Variants in ZNF536 observed in about 807,000 individuals in gnomAD.
The protein encoded by ZNF536 is zinc finger protein 536.
A neutral mutation model predicts 84.5 loss-of-function variants in ZNF536; 13 were observed. That is an observed-to-expected ratio of 0.15 (90% confidence interval 0.10 to 0.24). ZNF536 has a LOEUF of 0.24. Among genes scored for constraint, ZNF536 ranks in the 10% least tolerant of loss-of-function variants. The probability of loss-of-function intolerance (pLI) is 1.00; values close to 1 mark genes in which losing one functional copy is unlikely to be tolerated. For synonymous variants in ZNF536, 811 were observed against 742.5 expected, an observed-to-expected ratio of 1.09 and a Z score of -1.50; for missense variants, 1,536 against 1,747.5, an observed-to-expected ratio of 0.88 and a Z score of 2.16.
chr19:30,590,253 A>G (rs529860284), intron 1 of ZNF536, among the ~76,000 whole-genome samples: 1 of 152,240 alleles, frequency 6.6e-6, no homozygotes, highest in East Asian at 1.9e-4. Context: ...TTGGACATGG[A>G]ATTGAAGAAT....
chr19:30,363,233 C>A (rs572273380), intron 3 of ZNF536, among the ~76,000 whole-genome samples: 1 of 152,132 alleles, frequency 6.6e-6, no homozygotes, highest in Admixed American at 6.5e-5. Flanking sequence ...CTGCCCAGAG[C>A]GCTGCAATCC....
chr19:30,617,332 A>ATTT (rs1491527791), intron 1 of ZNF536, among the ~76,000 whole-genome samples: 2 of 18,294 alleles, frequency 1.1e-4, no homozygotes, highest in Non-Finnish European at 1.6e-4. Context: ...TGAATAGCTT[A>ATTT]CTTTTTTTTT....
intron 2 of ZNF536, among the ~76,000 whole-genome samples, chr19:30,472,010 C>A (rs1386793418): frequency 1.3e-5 from 2 of 152,150 alleles, no homozygotes; most frequent in Non-Finnish European, 2.9e-5. Flanking sequence ...GGACACCTGG[C>A]CTTGACCGCC....
At chr19:30,476,428 C>T (rs763596343) in intron 2 of ZNF536, among the ~76,000 whole-genome samples, 4 of 152,156 alleles carry the variant, frequency 2.6e-5, no homozygotes, top group South Asian at 2.1e-4. Flanking sequence ...CTGTTAATGG[C>T]GCACATGGAT....
intron 1 of ZNF536, among the ~76,000 whole-genome samples, chr19:30,618,956 A>AT (rs2048391393): frequency 6.6e-6 from 1 of 152,022 alleles, no homozygotes; most frequent in Non-Finnish European, 1.5e-5. Context: ...TTTTGTATAA[A>AT]TTCTTTTTGT....
intron 1 of ZNF536, among the ~76,000 whole-genome samples, chr19:30,658,006 A>G (rs1365626310): frequency 8.1e-6 from 1 of 123,640 alleles, no homozygotes. Context: ...ATACCCTTCA[A>G]TGGCTTTCCA....
intron 1 of ZNF536, among the ~76,000 whole-genome samples, chr19:30,274,864 G>A (rs941004910): frequency 2.6e-5 from 4 of 152,190 alleles, no homozygotes; most frequent in African/African-American, 9.7e-5. Flanking sequence ...TCTTCAAGAT[G>A]CATTACTTCA....
intron 1 of ZNF536, among the ~76,000 whole-genome samples, chr19:30,564,534 C>T (rs893909777): frequency 2.6e-5 from 4 of 152,042 alleles, no homozygotes; most frequent in Non-Finnish European, 5.9e-5. Flanking sequence ...TGCTGGTGGT[C>T]CTGGTGGTCA....
intron 2 of ZNF536, among the ~76,000 whole-genome samples, chr19:30,508,514 T>C (rs949614295): frequency 6.6e-6 from 1 of 152,116 alleles, no homozygotes; most frequent in Non-Finnish European, 1.5e-5. Flanking sequence ...GAGGCAGGTT[T>C]GATTTAATGA....
At position 30,447,388 on chromosome 19, in the gene ZNF536, G is replaced by A. The variant is rs149855355; in HGVS notation, c.2170+1656G>A. ...TGCCGGCTTATTACAAACCAGTAAA[G>A]AATTGTTAAGACACATAAATCTGGT... On this transcript the variant is annotated intron_variant, in intron 2 of 4. Coordinates refer to ENST00000355537, the MANE Select transcript of ZNF536 (RefSeq NM_014717.3). Among the ~76,000 whole-genome samples the A allele has an allele frequency of 3.0e-3, 461 of 152,318 alleles. 4 individuals are homozygous for A. Among genetic ancestry groups the A allele is most frequent in the African/African-American group, 0.011 (439 of 41,572 alleles).
chr19:30,660,136 G>A (rs181156815), intron 1 of ZNF536, among the ~76,000 whole-genome samples: 1 of 152,198 alleles, frequency 6.6e-6, no homozygotes, highest in South Asian at 2.1e-4. Flanking sequence ...AGAAACAATT[G>A]TTGTTTTCTT....
intron 2 of ZNF536, among the ~76,000 whole-genome samples, chr19:30,463,589 G>A (rs1219940219): frequency 2.0e-5 from 3 of 152,182 alleles, no homozygotes; most frequent in Admixed American, 6.5e-5. Context: ...CCTGCACGGG[G>A]CATAGAGCAC....
intron 1 of ZNF536, among the ~76,000 whole-genome samples, chr19:30,425,992 T>A (rs2051196784): frequency 6.6e-6 from 1 of 151,778 alleles, no homozygotes. Context: ...GAGCATGGAG[T>A]GACATTTTCA....
intron 1 of ZNF536, among the ~76,000 whole-genome samples, chr19:30,601,774 C>T (rs189488503): frequency 7.0e-4 from 107 of 152,268 alleles, no homozygotes; most frequent in Admixed American, 6.9e-3. Context: ...ACGGGTATGT[C>T]CTGCTGAAGG....
intron 1 of ZNF536, among the ~76,000 whole-genome samples, chr19:30,630,106 A>G (rs1483140051): frequency 2.0e-5 from 3 of 152,256 alleles, no homozygotes; most frequent in African/African-American, 4.8e-5. Context: ...TCTGCAGAAT[A>G]TAAGTGACAG....
intron 2 of ZNF536, among the ~76,000 whole-genome samples, chr19:30,295,374 A>G (rs1484637641): frequency 6.6e-6 from 1 of 152,190 alleles, no homozygotes; most frequent in African/African-American, 2.4e-5. Flanking sequence ...TAGCCAAGGT[A>G]TGAACGGCTG....
At chr19:30,549,569 T>C (rs1026472717) in intron 4 of ZNF536, 55 bp downstream of exon 4, 1 of 1,437,808 alleles carries the variant, frequency 7.0e-7, no homozygotes, top group Non-Finnish European at 9.1e-7. Context: ...CAGTGCTGAA[T>C]TGTGCATTTA....
intron 3 of ZNF536, among the ~76,000 whole-genome samples, chr19:30,355,266 G>T (rs1485915669): frequency 6.6e-6 from 1 of 152,204 alleles, no homozygotes; most frequent in African/African-American, 2.4e-5. Flanking sequence ...GGGAAGGGGT[G>T]GGGGAGGTCC....
chr19:30,423,567 G>T (rs1320617553), intron 1 of ZNF536, among the ~76,000 whole-genome samples: 2 of 152,252 alleles, frequency 1.3e-5, no homozygotes, highest in Non-Finnish European at 2.9e-5. Flanking sequence ...ACTGGGACCT[G>T]TGGAGTCCAA....
Sources: gnomAD v4.1 joint callset for allele counts (sites outside exome capture counted in the v4.1 genomes callset) on GRCh38, gnomAD v4.1.1 for gene constraint, MANE v1.5 for transcripts, NCBI Gene and HGNC (gene_info 2026-07-23, HGNC 2026-07-21) for gene names.